Variants in PCDHA1 observed in about 807,000 individuals in gnomAD.
PCDHA1 encodes the protein protocadherin alpha-1.
PCDHA1 carries 42 observed loss-of-function variants against 61.3 expected under a neutral mutation model. That is an observed-to-expected ratio of 0.69 (90% CI 0.54 to 0.89). The LOEUF (loss-of-function observed/expected upper bound fraction) is 0.89. Ranked by LOEUF, PCDHA1 falls within the 40% of genes least tolerant of loss-of-function variation. PCDHA1 has a pLI of 0.00. For missense variants in PCDHA1, 1,256 were observed against 1,235.3 expected (o/e 1.02, Z -0.25); for synonymous variants, 610 against 553.8 (o/e 1.10, Z -1.43).
At chr5:140,811,381 G>A (rs1581713992) in intron 1 of PCDHA1, 1 of 152,178 alleles carries the variant, frequency 6.6e-6, no homozygotes, top group East Asian at 1.9e-4. Context: ...GTGTATATGT[G>A]TCACATTTTC....
chr5:140,838,046 T>C (rs1554136765), intron 1 of PCDHA1, among the ~76,000 whole-genome samples: 1 of 150,988 alleles, frequency 6.6e-6, no homozygotes, highest in African/African-American at 2.4e-5. Flanking sequence ...TTCTGCACTT[T>C]TTGGTTTTCC....
At position 140,870,679 on chromosome 5, in the gene PCDHA1, G is replaced by C. The variant is rs202117527; in HGVS notation, c.2394+81995G>C. ...CGCGCTGCAGCCGTTGGACCACGAG[G>C]AGCTGGAGCTGCTACAGTTCCAGGT... On this transcript the variant is annotated intron_variant, in intron 1 of 3. Coordinates refer to ENST00000504120, the MANE Select transcript of PCDHA1 (RefSeq NM_018900.4). 1.0e-4 allele frequency: 164 copies of C among 1,612,742 alleles called. No individual in the cohort carries two copies. The African/African-American group carries it at 1.9e-3, about 19-fold the overall frequency.
Position 141,010,227 on chromosome 5 carries a change from C to T in PCDHA1, c.*290C>T. 6.4e-7 allele frequency: 1 copy of T among 1,551,876 alleles called. No homozygotes were observed. The highest frequency in any genetic ancestry group is 8.7e-7 in the Non-Finnish European group (1 of 1,147,036). On this transcript the variant is annotated 3_prime_UTR_variant, in exon 4 of 4. Coordinates refer to ENST00000504120, the MANE Select transcript of PCDHA1 (RefSeq NM_018900.4). ...GCCGCAAAGGAGAGGCTTCCCAGCC[C>T]CGCCAGTGAGAGGTTGGACTCTCTG...
chr5:140,833,929 T>C (rs2150212169), intron 1 of PCDHA1, among the ~76,000 whole-genome samples: 2 of 152,330 alleles, frequency 1.3e-5, no homozygotes, highest in South Asian at 4.1e-4. Context: ...AAATTCATGT[T>C]GTCACTTAGG....
intron 1 of PCDHA1, among the ~76,000 whole-genome samples, chr5:140,914,442 CT>C (rs782585142): frequency 1.5e-4 from 23 of 152,072 alleles, no homozygotes; most frequent in Non-Finnish European, 2.9e-4. Context: ...TTTCCCATGT[CT>C]TTATTTTCCA....
In PCDHA1 at chr5:140,822,890, G is replaced by C. The variant is rs2150120119; in HGVS notation, c.2394+34206G>C. 2.8e-5 allele frequency: 45 copies of C among 1,614,098 alleles called. No individual in the cohort carries two copies. The highest frequency in any genetic ancestry group is 3.7e-5 in the Non-Finnish European group (44 of 1,180,046). ...CTCAGCACGGTCATTGCTCTGATCA[G>C]CGTGTCTGACCGTGACTCAGGTGCC... On this transcript the variant is annotated intron_variant, in intron 1 of 3. Transcript: ENST00000504120.
chr5:140,846,853 G>A (rs1277401160), intron 1 of PCDHA1, among the ~76,000 whole-genome samples: 1 of 149,686 alleles, frequency 6.7e-6, no homozygotes, highest in East Asian at 1.9e-4. Flanking sequence ...TGCAAGGCAA[G>A]ATAATGTAAC....
intron 1 of PCDHA1, among the ~76,000 whole-genome samples, chr5:140,805,983 A>G (rs1056274462): frequency 3.9e-5 from 6 of 152,210 alleles, no homozygotes; most frequent in South Asian, 2.1e-4. Flanking sequence ...TTTAAAATAT[A>G]TATTCCAAAA....
chr5:140,839,049 A>G (rs943525046), intron 1 of PCDHA1, among the ~76,000 whole-genome samples: 2 of 152,062 alleles, frequency 1.3e-5, no homozygotes, highest in African/African-American at 4.8e-5. Context: ...TTCAACGTGA[A>G]TAAGGATAGA....
intron 1 of PCDHA1, among the ~76,000 whole-genome samples, chr5:140,921,218 T>G (rs1554200138): frequency 6.6e-6 from 1 of 152,126 alleles, no homozygotes; most frequent in African/African-American, 2.4e-5. Context: ...TTCACGTCTT[T>G]TTTGCTAGAT....
chr5:140,828,987 C>T (rs2150161632), intron 1 of PCDHA1: 5 of 1,613,856 alleles, frequency 3.1e-6, no homozygotes, highest in Admixed American at 3.3e-5. Flanking sequence ...GATCGAAATA[C>T]GGGAGAAATA....
intron 1 of PCDHA1, among the ~76,000 whole-genome samples, chr5:140,897,463 T>C (rs573452029): frequency 6.6e-6 from 1 of 151,924 alleles, no homozygotes; most frequent in African/African-American, 2.4e-5. Flanking sequence ...CTTGCGATAG[T>C]TTACTGAGAA....
chr5:140,881,625 A>G (rs2058773266), intron 1 of PCDHA1, among the ~76,000 whole-genome samples: 1 of 152,210 alleles, frequency 6.6e-6, no homozygotes, highest in African/African-American at 2.4e-5. Context: ...AAAATCTGAT[A>G]TATCAGTTAC....
At chr5:141,004,412 A>G (rs2098165544) in intron 3 of PCDHA1, among the ~76,000 whole-genome samples, 1 of 152,164 alleles carries the variant, frequency 6.6e-6, no homozygotes, top group South Asian at 2.1e-4. Flanking sequence ...ACCTGACTAG[A>G]TCTCTGCCTC....
At chr5:140,830,681 G>A (rs112940654) in intron 1 of PCDHA1, 1 of 335,664 alleles carries the variant, frequency 3.0e-6, no homozygotes, top group East Asian at 6.0e-5. Flanking sequence ...AGAAATCACT[G>A]TCCACAATCT....
At chr5:140,993,460 TCTCACA>T (rs782519654) in intron 3 of PCDHA1, among the ~76,000 whole-genome samples, 239 of 104,566 alleles carry the variant, frequency 2.3e-3, no homozygotes, top group Admixed American at 6.0e-3. Context: ...CTTCTTTCTT[TCTCACA>T]CACACACACA....
rs1763804438 is a variant in PCDHA1 at position 140,806,866 on chromosome 5, T to A, written c.2394+18182T>A. The A allele has an allele frequency of 8.0e-6, 3 of 374,924 alleles. No homozygotes were observed. In the South Asian group the frequency reaches 1.1e-4, roughly 14 times the overall value. 23.2% of individuals were successfully genotyped at this position (374,924 alleles called of 1,614,324 possible). Reference sequence around the variant, plus strand: ...CTCAATCAATCAGTGGTACAATGTGTACCACAGTAGTACAAAATGTATTCC... The same window carrying A: ...CTCAATCAATCAGTGGTACAATGTGAACCACAGTAGTACAAAATGTATTCC... On this transcript the variant is annotated intron_variant, in intron 1 of 3. Coordinates refer to ENST00000504120, the MANE Select transcript of PCDHA1 (RefSeq NM_018900.4).
At chr5:140,997,918 A>G (rs2097790482) in intron 3 of PCDHA1, among the ~76,000 whole-genome samples, 1 of 152,220 alleles carries the variant, frequency 6.6e-6, no homozygotes, top group South Asian at 2.1e-4. Context: ...TTACAGAATC[A>G]TAGGATATAA....
intron 3 of PCDHA1, among the ~76,000 whole-genome samples, 199 bp downstream of exon 3, chr5:140,982,762 TAAC>T (rs1210027762): frequency 6.6e-6 from 1 of 152,130 alleles, no homozygotes; most frequent in Non-Finnish European, 1.5e-5. Context: ...TGAAAAAGGA[TAAC>T]AAGGAAAGTG....
Sources: allele counts gnomAD v4.1 joint callset (sites outside exome capture counted in the v4.1 genomes callset), GRCh38; gene constraint gnomAD v4.1.1; transcripts MANE v1.5; gene names NCBI Gene and HGNC (gene_info 2026-07-23, HGNC 2026-07-21).